The following CNTNAP5 variants were observed in gnomAD, a reference collection of about 807,000 sequenced individuals.
CNTNAP5 encodes contactin associated protein family member 5.
Under a neutral mutation model 150.2 loss-of-function variants are expected in CNTNAP5, and 72 were observed. The ratio of observed to expected loss-of-function variants is 0.48; its 90% CI spans 0.40 to 0.58. The LOEUF (loss-of-function observed/expected upper bound fraction) is 0.58, where lower values mean the gene tolerates loss of function less well. Among genes scored for constraint, CNTNAP5 ranks in the 20% least tolerant of loss-of-function variants. The pLI is 0.00. For synonymous variants in CNTNAP5, 672 were observed against 619.8 expected (o/e 1.08, Z -1.25); for missense variants, 1,636 against 1,626.2 (o/e 1.01, Z -0.10).
At chr2:124,150,651 G>GAAAGAAAGAGAAAAAGAA (rs1016501825) in intron 1 of CNTNAP5, among the ~76,000 whole-genome samples, 233 of 152,134 alleles carry the variant, frequency 1.5e-3, no homozygotes, top group African/African-American at 5.4e-3. Context: ...TGGGGAGAGA[G>GAAAGAAAGAGAAAAAGAA]AAAGAAAGAG....
At chr2:124,875,353 C>T (rs1677832972) in intron 21 of CNTNAP5, among the ~76,000 whole-genome samples, 1 of 152,030 alleles carries the variant, frequency 6.6e-6, no homozygotes, top group Non-Finnish European at 1.5e-5. Context: ...ATTTTGGACA[C>T]AGAGCCTTCT....
chr2:124,587,430 C>G (rs1286630600), intron 11 of CNTNAP5, among the ~76,000 whole-genome samples: 1 of 152,132 alleles, frequency 6.6e-6, no homozygotes, highest in Non-Finnish European at 1.5e-5. Context: ...TCTTTGATGT[C>G]TGATTGTTTC....
At chr2:124,243,890 A>G (rs1686948659) in intron 3 of CNTNAP5, among the ~76,000 whole-genome samples, 1 of 152,186 alleles carries the variant, frequency 6.6e-6, no homozygotes, top group Non-Finnish European at 1.5e-5. Flanking sequence ...ATAAATTATT[A>G]CAGGTTTTCA....
At chr2:124,510,408 C>T (rs1342034195) in intron 8 of CNTNAP5, among the ~76,000 whole-genome samples, 2 of 128,062 alleles carry the variant, frequency 1.6e-5, no homozygotes, top group Non-Finnish European at 3.2e-5. Flanking sequence ...TTGGCCACTG[C>T]ACTCCAGCCT....
chr2:124,255,597 T>TAA (rs139897496), intron 3 of CNTNAP5, among the ~76,000 whole-genome samples: 4 of 132,574 alleles, frequency 3.0e-5, no homozygotes, highest in Admixed American at 7.5e-5. Flanking sequence ...TAATTTTTTT[T>TAA]TAAAAAGTAA....
At chr2:124,426,947 A>G (rs1692252764) in intron 4 of CNTNAP5, among the ~76,000 whole-genome samples, 1 of 152,182 alleles carries the variant, frequency 6.6e-6, no homozygotes. Context: ...CCTTCATTCT[A>G]AGGACTCTGG....
chr2:124,117,045 T>A (rs1024774368), intron 1 of CNTNAP5, among the ~76,000 whole-genome samples: 6 of 152,224 alleles, frequency 3.9e-5, no homozygotes, highest in Non-Finnish European at 5.9e-5. Flanking sequence ...TGAAACACTC[T>A]CCTATCCTCC....
chr2:124,884,443 A>G (rs1678037540), intron 21 of CNTNAP5, among the ~76,000 whole-genome samples: 1 of 151,824 alleles, frequency 6.6e-6, no homozygotes, highest in Non-Finnish European at 1.5e-5. Flanking sequence ...TCTCTGTTAT[A>G]TCATGTGATC....
intron 14 of CNTNAP5, among the ~76,000 whole-genome samples, chr2:124,748,357 T>A (rs1414485225): frequency 1.3e-5 from 2 of 152,166 alleles, no homozygotes; most frequent in East Asian, 3.9e-4. Flanking sequence ...ACCAACTTAC[T>A]TCTGTAAAAT....
Position 124,434,432 on chromosome 2 carries a change from A to C in CNTNAP5, c.530-52A>C, listed in dbSNP as rs1692472012. 3.9e-5 allele frequency: 50 copies of C among 1,277,996 alleles called. No individual in the cohort carries two copies. In the South Asian group the frequency reaches 5.6e-4, roughly 14 times the overall value. The allele number at this position is 1,277,996 out of a possible 1,614,324, so 79.2% of individuals were successfully genotyped here. ...AAATAAGATGGGAAACAGTAACAGC[A>C]GTCATGAGAATATGCACTAATTTTT... On this transcript the variant is annotated intron_variant, in intron 4 of 23. Coordinates refer to ENST00000682447, the MANE Select transcript of CNTNAP5 (RefSeq NM_001367498.1).
At chr2:124,724,648 T>C (rs1680118887) in intron 13 of CNTNAP5, among the ~76,000 whole-genome samples, 1 of 152,006 alleles carries the variant, frequency 6.6e-6, no homozygotes. Flanking sequence ...GATGGACAGC[T>C]GCATCCTTAT....
At chr2:124,427,818 G>T (rs148411347) in intron 4 of CNTNAP5, among the ~76,000 whole-genome samples, 1 of 151,786 alleles carries the variant, frequency 6.6e-6, no homozygotes, top group East Asian at 1.9e-4. Flanking sequence ...CTCTAGTTCC[G>T]ACCTGTTGAA....
intron 13 of CNTNAP5, among the ~76,000 whole-genome samples, chr2:124,671,217 G>A (rs965187877): frequency 6.6e-6 from 1 of 152,192 alleles, no homozygotes; most frequent in Non-Finnish European, 1.5e-5. Context: ...TCTTCATGGT[G>A]TTAAGCTAAG....
chr2:124,880,160 T>C (rs926401886), intron 21 of CNTNAP5, among the ~76,000 whole-genome samples: 1 of 152,248 alleles, frequency 6.6e-6, no homozygotes, highest in African/African-American at 2.4e-5. Context: ...AACGTAAAGC[T>C]CACTGTCACT....
intron 19 of CNTNAP5, among the ~76,000 whole-genome samples, chr2:124,841,789 G>C (rs1452120962): frequency 6.6e-6 from 1 of 152,040 alleles, no homozygotes; most frequent in African/African-American, 2.4e-5. Flanking sequence ...GCTGAGCCCT[G>C]CACTGGGATC....
chr2:124,086,188 C>CTTTTT (rs57849633), intron 1 of CNTNAP5, among the ~76,000 whole-genome samples: 1 of 81,990 alleles, frequency 1.2e-5, no homozygotes, highest in Non-Finnish European at 2.2e-5. Flanking sequence ...GGTGTACACA[C>CTTTTT]TTTTTTTTTT....
chr2:124,852,839 C>A (rs1406919486), intron 19 of CNTNAP5, among the ~76,000 whole-genome samples: 1 of 152,094 alleles, frequency 6.6e-6, no homozygotes, highest in Non-Finnish European at 1.5e-5. Context: ...TGGTGTGGGG[C>A]ACATGTATAG....
intron 10 of CNTNAP5, among the ~76,000 whole-genome samples, chr2:124,549,830 C>T (rs538601923): frequency 6.6e-6 from 1 of 152,334 alleles, no homozygotes; most frequent in East Asian, 1.9e-4. Flanking sequence ...ATTTTAATGT[C>T]ATGTTCATCC....
intron 2 of CNTNAP5, among the ~76,000 whole-genome samples, chr2:124,236,988 G>A (rs749199230): frequency 1.3e-5 from 2 of 152,102 alleles, no homozygotes; most frequent in Non-Finnish European, 2.9e-5. Flanking sequence ...AATTAGCTGG[G>A]TGTAGTGGCG....
Sources: allele counts gnomAD v4.1 joint callset (sites outside exome capture counted in the v4.1 genomes callset), GRCh38; gene constraint gnomAD v4.1.1; transcripts MANE v1.5; gene names NCBI Gene and HGNC (gene_info 2026-07-23, HGNC 2026-07-21).